The following POLK variants were observed in gnomAD, a reference collection of about 807,000 sequenced individuals.
POLK encodes the protein DNA polymerase kappa.
POLK carries 76 observed loss-of-function variants against 94.0 expected under a neutral mutation model. That is an observed-to-expected ratio of 0.81 (90% confidence interval 0.67 to 0.98). POLK has a LOEUF of 0.98. POLK is among the 50% of genes least tolerant of loss of function. The probability of loss-of-function intolerance (pLI) is 0.00; values close to 1 mark genes in which losing one functional copy is unlikely to be tolerated. For missense variants in POLK, 954 were observed against 1,010.1 expected (o/e 0.94, Z 0.75); for synonymous variants, 349 against 325.4 (o/e 1.07, Z -0.78).
intron 9 of POLK, among the ~76,000 whole-genome samples, chr5:75,586,344 G>C (rs1772471035): frequency 6.6e-6 from 1 of 151,984 alleles, no homozygotes; most frequent in Admixed American, 6.5e-5. Context: ...CAATATATAA[G>C]TTTTCTGAGG....
At chr5:75,569,252 C>T (rs900039935) in intron 3 of POLK, 88 bp from the exon 4 acceptor site, 1 of 858,402 alleles carries the variant, frequency 1.2e-6, no homozygotes, top group African/African-American at 1.7e-5. Context: ...GACTGATAGA[C>T]ACTTAATAAA....
rs115365580 is a variant in POLK at position 75,532,366 on chromosome 5, A to G, written c.-13-14644A>G. 4.3e-3 allele frequency among the ~76,000 whole-genome samples: 655 copies of G among 152,278 alleles called. 5 individuals are homozygous for G. The highest frequency in any genetic ancestry group is 0.013 in the African/African-American group (524 of 41,568). On this transcript the variant is annotated intron_variant, in intron 1 of 14. Transcript: ENST00000241436. ...CTGTTTCTATGTTAGTTTGCTTAGT[A>G]TGATGACCTCCAGCTCCATCCATTT...
rs143793252 is a variant in POLK at position 75,543,303 on chromosome 5, G to A, written c.-13-3707G>A. The stretch of plus-strand genomic sequence containing the variant: ...GATCCACCCACCTCGGCCTCCCAAA[G>A]TGCTGGGATTGTAGGCATGAGTCAC... On this transcript the variant is annotated intron_variant, in intron 1 of 14. Coordinates refer to ENST00000241436, the Ensembl canonical transcript of POLK. Among the ~76,000 whole-genome samples the A allele has an allele frequency of 8.0e-3, 1,225 of 152,242 alleles. 18 individuals are homozygous for A. Among genetic ancestry groups the A allele is most frequent in the African/African-American group, 0.028 (1,178 of 41,524 alleles).
At chr5:75,590,629 A>T in intron 11 of POLK, 189 bp downstream of exon 11, 1 of 537,282 alleles carries the variant, frequency 1.9e-6, no homozygotes. Flanking sequence ...GTCTGTGATG[A>T]GGTGATTCTA....
chr5:75,510,837 G>T (rs183816374), upstream of POLK, among the ~76,000 whole-genome samples: 2 of 152,064 alleles, frequency 1.3e-5, no homozygotes, highest in Non-Finnish European at 2.9e-5. Context: ...GACAGCTGCC[G>T]CCCTAAGTCC....
chr5:75,546,466 A>C (rs1179405839), intron 1 of POLK, among the ~76,000 whole-genome samples: 2 of 152,150 alleles, frequency 1.3e-5, no homozygotes, highest in Non-Finnish European at 2.9e-5. Flanking sequence ...TCTAAGAGTC[A>C]CCTGTAATTT....
At chr5:75,540,894 C>T (rs1172901842) in intron 1 of POLK, among the ~76,000 whole-genome samples, 1 of 152,154 alleles carries the variant, frequency 6.6e-6, no homozygotes, top group Non-Finnish European at 1.5e-5. Context: ...GATTTTCACA[C>T]TTTTGAGTAT....
chr5:75,535,612 A>G (rs1024529455), intron 1 of POLK, among the ~76,000 whole-genome samples: 1 of 152,122 alleles, frequency 6.6e-6, no homozygotes, highest in Non-Finnish European at 1.5e-5. Context: ...GTCTCTTTAC[A>G]TAATCACATT....
At chr5:75,559,389 G>T (rs899096250) in intron 3 of POLK, among the ~76,000 whole-genome samples, 4 of 151,900 alleles carry the variant, frequency 2.6e-5, no homozygotes, top group Non-Finnish European at 4.4e-5. Flanking sequence ...ACAAATTGTT[G>T]TATAAGAACA....
intron 1 of POLK, among the ~76,000 whole-genome samples, chr5:75,516,562 G>A (rs1768329958): frequency 6.6e-6 from 1 of 152,168 alleles, no homozygotes; most frequent in African/African-American, 2.4e-5. Context: ...CTACTCAGGA[G>A]CCTGAGGTGG....
intron 1 of POLK, among the ~76,000 whole-genome samples, chr5:75,521,674 A>C (rs1312513129): frequency 1.3e-5 from 2 of 152,124 alleles, no homozygotes; most frequent in African/African-American, 4.8e-5. Context: ...CTTTGCATTG[A>C]AACATTATTT....
At chr5:75,548,124 G>T (rs1449665222) in intron 2 of POLK, among the ~76,000 whole-genome samples, 3 of 152,022 alleles carry the variant, frequency 2.0e-5, no homozygotes, top group African/African-American at 7.2e-5. Flanking sequence ...GTCTCACTGT[G>T]TTGCCCAGGC....
At chr5:75,591,350 G>C (rs926856819) in intron 11 of POLK, among the ~76,000 whole-genome samples, 1 of 152,080 alleles carries the variant, frequency 6.6e-6, no homozygotes, top group Non-Finnish European at 1.5e-5. Flanking sequence ...ACTACAAAGA[G>C]TGGAATATCT....
chr5:75,606,066 G>T (rs1249904387), downstream of POLK, among the ~76,000 whole-genome samples: 2 of 115,290 alleles, frequency 1.7e-5, no homozygotes, highest in African/African-American at 6.8e-5. Flanking sequence ...AGACAATTGT[G>T]GGGAGAGGGT....
downstream of POLK, among the ~76,000 whole-genome samples, chr5:75,602,029 C>A (rs1052600264): frequency 1.3e-5 from 2 of 152,108 alleles, no homozygotes; most frequent in Non-Finnish European, 2.9e-5. Flanking sequence ...TTTGCAGTAC[C>A]CTATTTCTGT....
In POLK at chr5:75,531,727, G is replaced by T. The variant is rs575897797; in HGVS notation, c.-13-15283G>T. Among the ~76,000 whole-genome samples the T allele has an allele frequency of 2.0e-5, 3 of 152,216 alleles. No homozygotes were observed. The East Asian group carries it at 5.8e-4, about 29-fold the overall frequency. ...GAATAGCTTGAACCTGGGAGGTGGA[G>T]GTTGTAGTGAGCTGAGACTGTGTCA... On this transcript the variant is annotated intron_variant, in intron 1 of 14. Transcript: ENST00000241436.
exon 9 of POLK, chr5:75,584,894 C>T: frequency 1.9e-6 from 3 of 1,604,628 alleles, no homozygotes; most frequent in South Asian, 1.1e-5. Flanking sequence ...TCCTTCATAT[C>T]TCCTTGGGTC....
At chr5:75,569,882 A>G (rs1334793937) in intron 4 of POLK, among the ~76,000 whole-genome samples, 2 of 152,212 alleles carry the variant, frequency 1.3e-5, no homozygotes, top group Non-Finnish European at 2.9e-5. Context: ...TGAGGGATCC[A>G]GGTTACATAC....
chr5:75,547,354 TATAATAGGC>T (rs1770082502), intron 2 of POLK, among the ~76,000 whole-genome samples, 197 bp downstream of exon 2: 1 of 152,102 alleles, frequency 6.6e-6, no homozygotes, highest in Admixed American at 6.5e-5. Flanking sequence ...TTCACATGCA[TATAATAGGC>T]ATTTAAAACC....
Sources: gnomAD v4.1 joint callset for allele counts (sites outside exome capture counted in the v4.1 genomes callset) on GRCh38, gnomAD v4.1.1 for gene constraint, MANE v1.5 for transcripts, NCBI Gene and HGNC (gene_info 2026-07-23, HGNC 2026-07-21) for gene names.